The following UIMC1 variants were observed in gnomAD, a reference collection of about 807,000 sequenced individuals.
UIMC1 encodes ubiquitin interaction motif containing 1.
A neutral mutation model predicts 84.9 loss-of-function variants in UIMC1; 42 were observed. The observed-to-expected ratio is 0.49, with a 90% CI of 0.39 to 0.64. The LOEUF (loss-of-function observed/expected upper bound fraction) is 0.64. Ranked by LOEUF, UIMC1 falls within the 30% of genes least tolerant of loss-of-function variation. UIMC1 has a pLI of 0.00. For missense variants in UIMC1, 825 were observed against 847.6 expected, an observed-to-expected ratio of 0.97 and a Z score of 0.33; for synonymous variants, 281 against 293.0, an observed-to-expected ratio of 0.96 and a Z score of 0.42.
At chr5:176,929,602 T>C (rs1762837649) in intron 10 of UIMC1, among the ~76,000 whole-genome samples, 1 of 151,976 alleles carries the variant, frequency 6.6e-6, no homozygotes, top group Non-Finnish European at 1.5e-5. Flanking sequence ...TCTGAAATAA[T>C]CCAGGATGGG....
chr5:176,916,471 G>A (rs1040221642), intron 10 of UIMC1, among the ~76,000 whole-genome samples: 1 of 152,168 alleles, frequency 6.6e-6, no homozygotes, highest in Non-Finnish European at 1.5e-5. Context: ...ACTGGCTTTA[G>A]AGTTGGACAA....
chr5:176,992,307 C>T (rs1264897515), intron 1 of UIMC1, among the ~76,000 whole-genome samples: 1 of 151,692 alleles, frequency 6.6e-6, no homozygotes, highest in African/African-American at 2.4e-5. Context: ...CTCAAAGGAG[C>T]GAAAGACCCA....
chr5:177,003,868 C>A (rs571279925), intron 1 of UIMC1, among the ~76,000 whole-genome samples: 1 of 152,262 alleles, frequency 6.6e-6, no homozygotes, highest in South Asian at 2.1e-4. Flanking sequence ...CAAGGCCTCA[C>A]TCTGTGATGG....
intron 2 of UIMC1, among the ~76,000 whole-genome samples, chr5:176,976,578 A>C (rs1379162807): frequency 6.6e-6 from 1 of 152,244 alleles, no homozygotes; most frequent in Admixed American, 6.5e-5. Flanking sequence ...GGGAATATAA[A>C]ACAGTGCCCC....
chr5:176,981,882 C>A (rs1250861960), intron 2 of UIMC1, among the ~76,000 whole-genome samples: 1 of 152,030 alleles, frequency 6.6e-6, no homozygotes, highest in Non-Finnish European at 1.5e-5. Flanking sequence ...TGCAGGCAGG[C>A]AGAAAACTCC....
intron 10 of UIMC1, among the ~76,000 whole-genome samples, chr5:176,926,852 A>G (rs1385456798): frequency 6.6e-6 from 1 of 152,184 alleles, no homozygotes; most frequent in Non-Finnish European, 1.5e-5. Flanking sequence ...TTTTCAAAAT[A>G]GAGAGGAAAA....
At chr5:176,918,867 T>A (rs997787417) in intron 10 of UIMC1, among the ~76,000 whole-genome samples, 1 of 152,204 alleles carries the variant, frequency 6.6e-6, no homozygotes, top group Non-Finnish European at 1.5e-5. Context: ...TAGGTGTCCC[T>A]ATCTGCTGAA....
intron 1 of UIMC1, among the ~76,000 whole-genome samples, chr5:177,015,992 G>A (rs1009955536): frequency 6.6e-6 from 1 of 151,974 alleles, no homozygotes; most frequent in Non-Finnish European, 1.5e-5. Context: ...ACTTGAACCC[G>A]GGAGGCTGAG....
intron 6 of UIMC1, among the ~76,000 whole-genome samples, chr5:176,959,678 T>C (rs1184398397): frequency 2.2e-5 from 3 of 137,548 alleles, no homozygotes; most frequent in African/African-American, 8.3e-5. Flanking sequence ...ATCCCGCCAC[T>C]GCACTCCAGC....
intron 1 of UIMC1, among the ~76,000 whole-genome samples, chr5:177,001,787 A>C (rs1453215224): frequency 6.6e-6 from 1 of 151,536 alleles, no homozygotes; most frequent in Non-Finnish European, 1.5e-5. Context: ...AAAAAAAAAA[A>C]AAAATACAAA....
At chr5:177,017,514 AGTAGCTG>A (rs1775697844) in intron 1 of UIMC1, among the ~76,000 whole-genome samples, 1 of 152,030 alleles carries the variant, frequency 6.6e-6, no homozygotes, top group Admixed American at 6.6e-5. Flanking sequence ...CTGCCTCCTG[AGTAGCTG>A]GGATTACAGG....
intron 9 of UIMC1, among the ~76,000 whole-genome samples, chr5:176,945,032 C>T (rs1764903722): frequency 6.6e-6 from 1 of 152,196 alleles, no homozygotes; most frequent in Non-Finnish European, 1.5e-5. Context: ...ACTAAGTGAA[C>T]AAACCCAGGC....
intron 10 of UIMC1, among the ~76,000 whole-genome samples, chr5:176,920,214 G>C (rs1232067323): frequency 6.6e-6 from 1 of 151,834 alleles, no homozygotes; most frequent in Non-Finnish European, 1.5e-5. Context: ...TTTTAGTAGA[G>C]ACGGAGTTTC....
intron 6 of UIMC1, among the ~76,000 whole-genome samples, chr5:176,964,733 T>A (rs895726062): frequency 6.6e-6 from 1 of 152,240 alleles, no homozygotes; most frequent in African/African-American, 2.4e-5. Flanking sequence ...GTGATTTTTT[T>A]ATTAAAGTTA....
rs1759311294 is a variant in UIMC1 at position 176,905,998 on chromosome 5, C to T, written c.1949+13G>A. 6.2e-7 allele frequency: 1 copy of T among 1,614,084 alleles called. No individual in the cohort carries two copies. The highest frequency in any genetic ancestry group is 1.1e-5 in the South Asian group (1 of 91,080). On this transcript the variant is annotated intron_variant, in intron 14 of 14. Coordinates refer to ENST00000511320, the MANE Select transcript of UIMC1 (RefSeq NM_001199298.2). ...ATGCTGACAGCCACAATTCAGTGCA[C>T]AATCCAATTCACCTGAAGGCTCCTG...
rs530483356 is a variant in UIMC1, at chr5:176,992,091, C to G, written c.-8-9468G>C. Among the ~76,000 whole-genome samples the G allele has an allele frequency of 6.0e-5, 9 of 149,948 alleles. No homozygotes were observed. The South Asian group carries it at 1.9e-3, about 32-fold the overall frequency. ...TGAGCCATGATGGCGCCACTGCACT[C>G]TAGCCTGGGCAACAGAGTGAGACCT... is the stretch of plus-strand genomic sequence containing the variant. On this transcript the variant is annotated intron_variant, in intron 1 of 14. Coordinates refer to ENST00000511320, the MANE Select transcript of UIMC1 (RefSeq NM_001199298.2).
At chr5:176,953,783 C>T (rs1016540855) in intron 8 of UIMC1, among the ~76,000 whole-genome samples, 1 of 152,070 alleles carries the variant, frequency 6.6e-6, no homozygotes, top group African/African-American at 2.4e-5. Flanking sequence ...AATCCTGCTT[C>T]TTCAACTAAG....
At chr5:176,949,686 T>C (rs1765595292) in intron 9 of UIMC1, among the ~76,000 whole-genome samples, 1 of 152,196 alleles carries the variant, frequency 6.6e-6, no homozygotes. Flanking sequence ...TGTGCATGAT[T>C]CATGAAGGCA....
chr5:176,971,051 T>C (rs549996744), intron 3 of UIMC1, among the ~76,000 whole-genome samples, 185 bp from the exon 4 acceptor site: 7 of 152,320 alleles, frequency 4.6e-5, no homozygotes, highest in Non-Finnish European at 1.0e-4. Flanking sequence ...TTAGCAGCAG[T>C]TACAACAAGA....
Sources: allele counts gnomAD v4.1 joint callset (sites outside exome capture counted in the v4.1 genomes callset), GRCh38; gene constraint gnomAD v4.1.1; transcripts MANE v1.5; gene names NCBI Gene and HGNC (gene_info 2026-07-23, HGNC 2026-07-21).